ADRA1D: variants seen among roughly 807,000 people sequenced by gnomAD.
ADRA1D encodes alpha-1D adrenergic receptor.
ADRA1D carries 22 observed loss-of-function variants against 18.6 expected under a neutral mutation model. The observed-to-expected ratio is 1.19, with a 90% CI of 0.85 to 1.69. The LOEUF (loss-of-function observed/expected upper bound fraction) is 1.69, where lower values mean the gene tolerates loss of function less well. ADRA1D is among the 40% of genes most tolerant of loss of function. The pLI is 0.00. For synonymous variants in ADRA1D, 376 were observed against 388.2 expected (o/e 0.97, Z 0.37); for missense variants, 840 against 840.7 (o/e 1.00, Z 0.01).
At chr20:4,227,737 TCCTTCCTTC>T (rs1568763464) in intron 1 of ADRA1D, among the ~76,000 whole-genome samples, 5 of 132,628 alleles carry the variant, frequency 3.8e-5, no homozygotes, top group Admixed American at 7.8e-5. Flanking sequence ...CTTCCTTCCT[TCCTTCCTTC>T]CTTCTTCTCT....
intron 1 of ADRA1D, among the ~76,000 whole-genome samples, chr20:4,231,064 TTC>T (rs1168769579): frequency 1.8e-4 from 18 of 98,002 alleles, no homozygotes; most frequent in East Asian, 3.2e-4. Context: ...CTTTCTTTCT[TTC>T]TCTCTCTCTC....
intron 1 of ADRA1D, among the ~76,000 whole-genome samples, chr20:4,236,357 G>C (rs1297973767): frequency 6.6e-6 from 1 of 152,218 alleles, no homozygotes; most frequent in Admixed American, 6.5e-5. Context: ...TGATTAATTA[G>C]TTAATTAAGG....
At chr20:4,240,214 GA>G (rs1196032849) in intron 1 of ADRA1D, among the ~76,000 whole-genome samples, 12 of 151,620 alleles carry the variant, frequency 7.9e-5, no homozygotes, top group Non-Finnish European at 1.3e-4. Flanking sequence ...TAAATGGAAA[GA>G]AAAAAAAGCA....
chr20:4,223,973 A>C (rs1404108476), intron 1 of ADRA1D, among the ~76,000 whole-genome samples: 1 of 152,196 alleles, frequency 6.6e-6, no homozygotes, highest in East Asian at 1.9e-4. Flanking sequence ...TGGCAGCCAC[A>C]GGCTCAGAGA....
intron 1 of ADRA1D, among the ~76,000 whole-genome samples, chr20:4,242,691 G>A (rs1271465560): frequency 6.6e-6 from 1 of 152,118 alleles, no homozygotes; most frequent in East Asian, 1.9e-4. Context: ...TATGCCTTGA[G>A]GTGCATTTGA....
At chr20:4,225,887 T>C (rs1980787297) in intron 1 of ADRA1D, among the ~76,000 whole-genome samples, 1 of 152,076 alleles carries the variant, frequency 6.6e-6, no homozygotes, top group African/African-American at 2.4e-5. Flanking sequence ...GAGATTATTT[T>C]CCCCGGGAGA....
In ADRA1D at chr20:4,248,839, C is replaced by T; in HGVS notation, c.119G>A (p.Gly40Asp). 3.0e-6 allele frequency: 3 copies of T among 1,005,560 alleles called. No homozygotes were observed. The highest frequency in any genetic ancestry group is 3.6e-6 in the Non-Finnish European group (3 of 840,670). 62.3% of individuals were successfully genotyped at this position (1,005,560 alleles called of 1,614,324 possible). The part of the protein sequence containing the change: ...GSAGGAAPSE[G>D]PAVGGVPGGA... The stretch of plus-strand genomic sequence containing the variant: ...CCCCGGCACGCCGCCCACCGCCGGG[C>T]CCTCCGAGGGGGCCGCGCCGCCCGC... The change falls in exon 1 of 2, where the codon GGC becomes GAC. Residue 40 changes from glycine (G) to aspartate (D), a missense_variant. Physicochemically the swap from Gly to Asp is moderately conservative, Grantham distance 94 (BLOSUM62 -1). Transcript: ENST00000379453.
At chr20:4,241,938 T>A (rs117960318) in intron 1 of ADRA1D, among the ~76,000 whole-genome samples, 35 of 118,944 alleles carry the variant, frequency 2.9e-4, no homozygotes, top group Non-Finnish European at 5.7e-4. Flanking sequence ...AGCGTGTGTA[T>A]CTGAAGCACA....
chr20:4,243,709 G>T (rs910778709), intron 1 of ADRA1D, among the ~76,000 whole-genome samples: 4 of 152,098 alleles, frequency 2.6e-5, no homozygotes, highest in Admixed American at 6.5e-5. Flanking sequence ...CGTTCTACAC[G>T]CACCTCCGCA....
chr20:4,247,953 C>T lies in ADRA1D; in HGVS notation c.1005G>A (p.Val335=), dbSNP rs1422571581. The T allele has an allele frequency of 6.3e-7, 1 of 1,596,318 alleles. No individual in the cohort carries two copies. Among genetic ancestry groups the T allele is most frequent in the East Asian group, 2.3e-5 (1 of 43,662 alleles). ...TCTCACGGGAGAACTTGAGCAGGCG[C>T]ACGGAGAGCGAGCTGCGGAAGGTGT... The part of the protein sequence containing the change: ...KGHTFRSSLS[V]RLLKFSREKK... The change falls in exon 1 of 2, where the codon GTG becomes GTA. Residue 335 remains valine (V), a synonymous_variant. Coordinates refer to ENST00000379453, the MANE Select transcript of ADRA1D (RefSeq NM_000678.4).
chr20:4,234,856 C>T (rs1981052460), intron 1 of ADRA1D, among the ~76,000 whole-genome samples: 1 of 152,200 alleles, frequency 6.6e-6, no homozygotes, highest in Non-Finnish European at 1.5e-5. Flanking sequence ...TGTGCAAAGG[C>T]CCTGAGGCAG....
chr20:4,231,526 A>C (rs1420208854), intron 1 of ADRA1D, among the ~76,000 whole-genome samples: 1 of 152,166 alleles, frequency 6.6e-6, no homozygotes, highest in East Asian at 1.9e-4. Flanking sequence ...ACTCTGAAAT[A>C]TCTTGAATGA....
chr20:4,239,459 C>T lies in ADRA1D; in HGVS notation c.1111+8388G>A, dbSNP rs989077091. ...ATCTGTCCATTGAATCAGTGACCAA[C>T]TCAGTATCAATGAACAGCTCAGTCA... On this transcript the variant is annotated intron_variant, in intron 1 of 1. Transcript: ENST00000379453. This position sits in a 1 kb window ranked among gnomAD's most constrained non-coding sequence, Gnocchi z 4.9. Among the ~76,000 whole-genome samples, 2 of 152,218 alleles carry T rather than the reference C, an allele frequency of 1.3e-5. No homozygotes were observed. Among genetic ancestry groups the T allele is most frequent in the African/African-American group, 4.8e-5 (2 of 41,440 alleles).
Position 4,249,171 on chromosome 20 carries a change from G to A in ADRA1D, c.-214C>T. On this transcript the variant is annotated 5_prime_UTR_variant, in exon 1 of 2. Coordinates refer to ENST00000379453, the MANE Select transcript of ADRA1D (RefSeq NM_000678.4). ...CGGGCTCCCCGAGGCCGGCCGTGGA[G>A]TAGCACCGAAGAGCCGGGGCCCGCT... 4.8e-6 allele frequency: 1 copy of A among 208,184 alleles called. No homozygotes were observed. Among genetic ancestry groups the A allele is most frequent in the South Asian group, 1.7e-4 (1 of 5,974 alleles). The allele number at this position is 208,184 out of a possible 1,614,324, so 12.9% of individuals were successfully genotyped here.
chr20:4,223,882 T>G (rs932131095), intron 1 of ADRA1D, among the ~76,000 whole-genome samples: 2 of 146,638 alleles, frequency 1.4e-5, no homozygotes, highest in Non-Finnish European at 3.1e-5. Context: ...TTTTGACCTA[T>G]GATATTTTCA....
At chr20:4,226,061 A>T (rs987823832) in intron 1 of ADRA1D, among the ~76,000 whole-genome samples, 1 of 152,254 alleles carries the variant, frequency 6.6e-6, no homozygotes, top group Non-Finnish European at 1.5e-5. Context: ...GCCCAGGATG[A>T]CAAATCAGTG....
At chr20:4,237,091 T>A (rs58435249) in intron 1 of ADRA1D, among the ~76,000 whole-genome samples, 24,696 of 151,852 alleles carry the variant, frequency 0.16, 2,066 homozygotes, top group East Asian at 0.24. Context: ...AGGGTTTGTC[T>A]GGAAATGTGG....
At chr20:4,231,824 G>A (rs368279733) in intron 1 of ADRA1D, among the ~76,000 whole-genome samples, 2 of 152,212 alleles carry the variant, frequency 1.3e-5, no homozygotes, top group African/African-American at 2.4e-5. Context: ...TTCTAGGGGC[G>A]CTGGGTTCAG....
intron 1 of ADRA1D, among the ~76,000 whole-genome samples, chr20:4,232,030 A>G (rs139202945): frequency 0.014 from 2,173 of 152,266 alleles, 46 homozygotes; most frequent in African/African-American, 0.05. Flanking sequence ...CTCCTGCCTC[A>G]GCCTCCCAAG....
Sources: allele counts gnomAD v4.1 joint callset (sites outside exome capture counted in the v4.1 genomes callset), GRCh38; gene constraint gnomAD v4.1.1; non-coding constraint Gnocchi (gnomAD v3.1); transcripts MANE v1.5; gene names NCBI Gene and HGNC (gene_info 2026-07-23, HGNC 2026-07-21).